LYRM4: variants seen among roughly 807,000 people sequenced by gnomAD.
LYRM4 encodes the protein LYR motif-containing protein 4.
Under a neutral mutation model 11.7 loss-of-function variants are expected in LYRM4, and 9 were observed. The observed-to-expected ratio is 0.77, with a 90% CI of 0.46 to 1.34. The LOEUF (loss-of-function observed/expected upper bound fraction) is 1.34, where lower values mean the gene tolerates loss of function less well. Ranked by LOEUF, LYRM4 falls within the 40% of genes most tolerant of loss-of-function variation. LYRM4 has a pLI of 0.00. For missense variants in LYRM4, 133 were observed against 112.5 expected, an observed-to-expected ratio of 1.18 and a Z score of -0.82; for synonymous variants, 42 against 40.4, an observed-to-expected ratio of 1.04 and a Z score of -0.15.
intron 2 of LYRM4, among the ~76,000 whole-genome samples, chr6:5,152,111 T>G (rs1439148205): frequency 3.9e-5 from 6 of 152,188 alleles, no homozygotes; most frequent in Non-Finnish European, 7.3e-5. Flanking sequence ...CTGGAACCAC[T>G]AAGTATGGGA....
intron 1 of LYRM4, chr6:5,240,783 G>A (rs1371658448): frequency 6.6e-6 from 1 of 152,246 alleles, no homozygotes; most frequent in Middle Eastern, 3.2e-3. Context: ...ATGCTGACCT[G>A]TAATTTAAGT....
chr6:5,224,227 C>A (rs1258804622), intron 1 of LYRM4, among the ~76,000 whole-genome samples: 1 of 152,150 alleles, frequency 6.6e-6, no homozygotes, highest in Non-Finnish European at 1.5e-5. Context: ...GACAATAAGA[C>A]CACAGTAAAT....
chr6:5,144,204 C>T, intron 2 of LYRM4: 2 of 1,536,898 alleles, frequency 1.3e-6, no homozygotes, highest in Non-Finnish European at 1.7e-6. Context: ...GCAGGGCTTC[C>T]CCAGGCTCCG....
intron 1 of LYRM4, among the ~76,000 whole-genome samples, chr6:5,241,681 C>T (rs964059484): frequency 5.9e-5 from 9 of 152,156 alleles, no homozygotes; most frequent in Admixed American, 5.2e-4. Flanking sequence ...AGTTCTATTT[C>T]GCTGATGAAT....
chr6:5,245,124 ATATATATATATATAT>A, intron 1 of LYRM4, among the ~76,000 whole-genome samples: 1 of 40,848 alleles, frequency 2.4e-5, no homozygotes, highest in African/African-American at 1.1e-4. Flanking sequence ...ATATATATAT[ATATATATATATATAT>A]ATATATATAT....
At chr6:5,075,941 AT>A in the LYRM4 span, among the ~76,000 whole-genome samples, 2,436 of 145,186 alleles carry the variant, frequency 0.017, 48 homozygotes, top group African/African-American at 0.053. Flanking sequence ...GGGTTTATGT[AT>A]TTTTTTTTTT....
At chr6:5,066,918 C>A in the LYRM4 span, 1 of 1,136,060 alleles carries the variant, frequency 8.8e-7, no homozygotes, top group Non-Finnish European at 1.2e-6. Context: ...AATGCAAAAG[C>A]GACCAGCGCC....
chr6:5,169,960 T>A (rs77340543), intron 2 of LYRM4, among the ~76,000 whole-genome samples: 2,663 of 152,256 alleles, frequency 0.017, 28 homozygotes, highest in Middle Eastern at 0.037. Context: ...ACGGACAAGG[T>A]ACAAACACGG....
chr6:5,108,820 G>A lies in LYRM4; in HGVS notation c.*603C>T. On this transcript the variant is annotated 3_prime_UTR_variant, in exon 3 of 3. Coordinates refer to ENST00000330636, the MANE Select transcript of LYRM4 (RefSeq NM_020408.6). ...TCTGCAGTGCTCCATCTCTGGGTGT[G>A]TACCTACACACCCGTCACCTTTGTT... The A allele has an allele frequency of 1.0e-6, 1 of 986,218 alleles. No homozygotes were observed. The highest frequency in any genetic ancestry group is 6.1e-5 in the Admixed American group (1 of 16,324). The allele number at this position is 986,218 out of a possible 1,614,324, so 61.1% of individuals were successfully genotyped here.
intron 2 of LYRM4, among the ~76,000 whole-genome samples, chr6:5,188,274 G>A (rs1760540963): frequency 6.6e-6 from 1 of 152,112 alleles, no homozygotes. Flanking sequence ...AGCTACTTAG[G>A]AGGCTGAGGT....
the LYRM4 span, among the ~76,000 whole-genome samples, chr6:5,081,147 G>A: frequency 7.6e-6 from 1 of 131,324 alleles, no homozygotes; most frequent in African/African-American, 3.3e-5. Context: ...GGGGGGGGGG[G>A]GGGTAGACTG....
the LYRM4 span, chr6:5,086,609 G>A: frequency 7.1e-7 from 1 of 1,403,562 alleles, no homozygotes; most frequent in Non-Finnish European, 9.4e-7. Flanking sequence ...ATTAGCACGT[G>A]GAGCTCGGGC....
At chr6:5,100,772 G>GC (rs1222108640), downstream of LYRM4, among the ~76,000 whole-genome samples, 1 of 152,190 alleles carries the variant, frequency 6.6e-6, no homozygotes, top group Non-Finnish European at 1.5e-5. Context: ...AAGGGGATGT[G>GC]CTGTTGCCTC....
At chr6:5,066,642 A>G in the LYRM4 span, 3 of 1,187,370 alleles carry the variant, frequency 2.5e-6, no homozygotes, top group East Asian at 7.0e-5. Context: ...ACCAATTTCA[A>G]GTAATGCCTG....
At chr6:5,170,157 T>A (rs945974567) in intron 2 of LYRM4, among the ~76,000 whole-genome samples, 1 of 152,212 alleles carries the variant, frequency 6.6e-6, no homozygotes. Flanking sequence ...CCAAAGGGTT[T>A]TGGATCTGAG....
At chr6:5,154,542 C>A (rs979579696) in intron 2 of LYRM4, among the ~76,000 whole-genome samples, 1 of 152,002 alleles carries the variant, frequency 6.6e-6, no homozygotes, top group Non-Finnish European at 1.5e-5. Context: ...TTCGGCCGGG[C>A]GCGGTGGCTC....
intron 2 of LYRM4, among the ~76,000 whole-genome samples, chr6:5,176,835 T>C (rs1759747778): frequency 6.6e-6 from 1 of 152,220 alleles, no homozygotes; most frequent in African/African-American, 2.4e-5. Flanking sequence ...TATAATTTCA[T>C]CTACAATGGC....
At chr6:5,119,833 A>G (rs1763337090) in intron 2 of LYRM4, among the ~76,000 whole-genome samples, 1 of 151,642 alleles carries the variant, frequency 6.6e-6, no homozygotes. Context: ...ACCACAAAAA[A>G]GGCCCACCAT....
intron 2 of LYRM4, among the ~76,000 whole-genome samples, chr6:5,171,771 A>G (rs1001093506): frequency 2.0e-5 from 3 of 152,220 alleles, no homozygotes; most frequent in Non-Finnish European, 1.5e-5. Flanking sequence ...CACCACTGTC[A>G]TTGTAGGTGA....
Sources: gnomAD v4.1 joint callset for allele counts (sites outside exome capture counted in the v4.1 genomes callset) on GRCh38, gnomAD v4.1.1 for gene constraint, MANE v1.5 for transcripts, NCBI Gene and HGNC (gene_info 2026-07-23, HGNC 2026-07-21) for gene names.